The following CRADD variants were observed in gnomAD, a reference collection of about 807,000 sequenced individuals.
CRADD encodes the protein death domain-containing protein CRADD.
Under a neutral mutation model 15.5 loss-of-function variants are expected in CRADD, and 9 were observed. The ratio of observed to expected loss-of-function variants is 0.58; its 90% CI spans 0.35 to 1.01. The LOEUF (loss-of-function observed/expected upper bound fraction) is 1.01. Among genes scored for constraint, CRADD ranks in the 50% least tolerant of loss-of-function variants. The pLI is 0.02. For missense variants in CRADD, 227 were observed against 250.3 expected (o/e 0.91, Z 0.63); for synonymous variants, 118 against 107.6 (o/e 1.10, Z -0.60).
chr12:93,844,702 A>T (rs551376649), intron 2 of CRADD, among the ~76,000 whole-genome samples: 1 of 152,336 alleles, frequency 6.6e-6, no homozygotes, highest in African/African-American at 2.4e-5. Context: ...CTCCCTTCCC[A>T]ACACCCAACC....
intron 2 of CRADD, among the ~76,000 whole-genome samples, chr12:93,766,134 G>A (rs893460346): frequency 2.0e-5 from 3 of 152,226 alleles, no homozygotes; most frequent in African/African-American, 4.8e-5. Context: ...AACTCAAAAC[G>A]CCTGCCTGTT....
chr12:93,781,748 C>T (rs567235703), intron 2 of CRADD, among the ~76,000 whole-genome samples: 15 of 152,284 alleles, frequency 9.9e-5, no homozygotes, highest in African/African-American at 1.9e-4. Flanking sequence ...ATAGGAAATA[C>T]GGGAGACAGA....
At chr12:93,779,845 T>TA (rs1169149396) in intron 2 of CRADD, among the ~76,000 whole-genome samples, 1 of 152,142 alleles carries the variant, frequency 6.6e-6, no homozygotes, top group East Asian at 1.9e-4. Flanking sequence ...CGCCTTAGTC[T>TA]CCCAAAGTGC....
intron 2 of CRADD, among the ~76,000 whole-genome samples, chr12:93,835,451 A>T (rs1327422437): frequency 6.6e-6 from 1 of 152,182 alleles, no homozygotes. Flanking sequence ...TTTTGTAAAA[A>T]CGAAGTATGC....
chr12:93,731,953 A>G (rs935864250), intron 2 of CRADD, among the ~76,000 whole-genome samples: 1 of 152,282 alleles, frequency 6.6e-6, no homozygotes, highest in African/African-American at 2.4e-5. Context: ...ATTGACCAAC[A>G]TGGAGAAACT....
chr12:93,768,209 A>G (rs998508812), intron 2 of CRADD, among the ~76,000 whole-genome samples: 1 of 152,256 alleles, frequency 6.6e-6, no homozygotes, highest in Non-Finnish European at 1.5e-5. Context: ...GCAAAATGTG[A>G]TAAAAACAAA....
intron 2 of CRADD, among the ~76,000 whole-genome samples, chr12:93,880,919 T>C (rs1593059415): frequency 6.6e-6 from 1 of 152,236 alleles, no homozygotes; most frequent in East Asian, 1.9e-4. Context: ...AGTGAAAGGC[T>C]TTCCTTCTCA....
intron 2 of CRADD, among the ~76,000 whole-genome samples, chr12:93,813,189 C>G (rs139881789): frequency 2.0e-5 from 3 of 152,284 alleles, no homozygotes; most frequent in Non-Finnish European, 4.4e-5. Flanking sequence ...ATTGCATTGT[C>G]AGAGTCCCTT....
chr12:93,695,141 A>G (rs1013531748), intron 2 of CRADD, among the ~76,000 whole-genome samples: 2 of 152,338 alleles, frequency 1.3e-5, no homozygotes, highest in South Asian at 2.1e-4. Flanking sequence ...ATGGAACAGA[A>G]TAGATAGTCC....
chr12:93,814,323 G>C (rs1434473181), intron 2 of CRADD, among the ~76,000 whole-genome samples: 1 of 152,132 alleles, frequency 6.6e-6, no homozygotes, highest in African/African-American at 2.4e-5. Flanking sequence ...TTGTGGGGGC[G>C]GGGGAGGTGG....
chr12:93,807,330 A>G (rs887122975), intron 2 of CRADD, among the ~76,000 whole-genome samples: 3 of 152,108 alleles, frequency 2.0e-5, no homozygotes, highest in Non-Finnish European at 4.4e-5. Flanking sequence ...TGAAGGAGAG[A>G]ATAGGAATGC....
chr12:93,785,247 G>A (rs932927441), intron 2 of CRADD, among the ~76,000 whole-genome samples: 4 of 152,108 alleles, frequency 2.6e-5, no homozygotes, highest in Non-Finnish European at 5.9e-5. Context: ...TTGAGAGAAA[G>A]GAGGAGAAAA....
intron 2 of CRADD, among the ~76,000 whole-genome samples, chr12:93,760,941 G>A (rs1159138406): frequency 2.0e-5 from 3 of 151,964 alleles, no homozygotes; most frequent in South Asian, 4.2e-4. Context: ...GGGAAGACTG[G>A]TTCAAGCAGA....
intron 2 of CRADD, among the ~76,000 whole-genome samples, chr12:93,714,072 G>A (rs1956121239): frequency 6.6e-6 from 1 of 152,260 alleles, no homozygotes; most frequent in South Asian, 2.1e-4. Context: ...TTCTCAAAAG[G>A]TCGAACGAAG....
At chr12:93,801,739 G>A (rs1681585722) in intron 2 of CRADD, among the ~76,000 whole-genome samples, 1 of 152,082 alleles carries the variant, frequency 6.6e-6, no homozygotes, top group Admixed American at 6.6e-5. Flanking sequence ...GGGTACAGGT[G>A]GTTTTTGGTT....
At chr12:93,893,839 G>GAGGTAGC (rs1201999812) in intron 2 of CRADD, among the ~76,000 whole-genome samples, 1 of 151,852 alleles carries the variant, frequency 6.6e-6, no homozygotes, top group Non-Finnish European at 1.5e-5. Context: ...CTGGGAGGCA[G>GAGGTAGC]AGGTAGCAGT....
chr12:93,677,638 T>C lies in CRADD; in HGVS notation c.-7+166T>C, dbSNP rs755195570. On this transcript the variant is annotated intron_variant, in intron 1 of 2. Transcript: ENST00000332896. ...GAGGCCCGCTCTCCCCTTGGTCCGC[T>C]CTTTAGTTCATTCCCAGCACTCCCT... 5 of 152,262 alleles carry C rather than the reference T, an allele frequency of 3.3e-5. 1 individual carries two copies. Among genetic ancestry groups the C allele is most frequent in the Non-Finnish European group, 7.3e-5 (5 of 68,054 alleles). 9.4% of individuals were successfully genotyped at this position (152,262 alleles called of 1,614,324 possible). A position where few individuals can be genotyped will look rare whatever the true frequency, so the allele number is the denominator to read the frequency against.
downstream of CRADD, among the ~76,000 whole-genome samples, chr12:93,854,342 A>G (rs557478937): frequency 6.6e-6 from 1 of 152,232 alleles, no homozygotes; most frequent in South Asian, 2.1e-4. Context: ...TTTATCTGTC[A>G]GGTTACCCTG....
intron 2 of CRADD, among the ~76,000 whole-genome samples, chr12:93,750,158 G>T (rs7358644): frequency 1.3e-5 from 2 of 152,102 alleles, no homozygotes; most frequent in African/African-American, 2.4e-5. Flanking sequence ...AAGGAACTTC[G>T]GGCATATAAA....
Sources: allele counts gnomAD v4.1 joint callset (sites outside exome capture counted in the v4.1 genomes callset), GRCh38; gene constraint gnomAD v4.1.1; transcripts MANE v1.5; gene names NCBI Gene and HGNC (gene_info 2026-07-23, HGNC 2026-07-21).